The following DCDC2 variants were observed in gnomAD, a reference collection of about 807,000 sequenced individuals.
The protein encoded by DCDC2 is doublecortin domain containing 2, also known as doublecortin domain-containing protein 2.
DCDC2 carries 40 observed loss-of-function variants against 50.2 expected under a neutral mutation model. The ratio of observed to expected loss-of-function variants is 0.80; its 90% confidence interval spans 0.62 to 1.04. The LOEUF is 1.04. Ranked by LOEUF, DCDC2 falls within the 50% of genes least tolerant of loss-of-function variation. DCDC2 has a pLI of 0.00. For synonymous variants in DCDC2, 234 were observed against 210.6 expected (o/e 1.11, Z -0.96); for missense variants, 570 against 581.9 (o/e 0.98, Z 0.21).
intron 4 of DCDC2, among the ~76,000 whole-genome samples, chr6:24,297,823 T>C (rs1759285047): frequency 6.6e-6 from 1 of 152,244 alleles, no homozygotes; most frequent in African/African-American, 2.4e-5. Context: ...GAGAATATTC[T>C]TATAATCTTG....
intron 2 of DCDC2, among the ~76,000 whole-genome samples, chr6:24,334,517 A>G (rs920047898): frequency 6.6e-6 from 1 of 152,248 alleles, no homozygotes; most frequent in Non-Finnish European, 1.5e-5. Flanking sequence ...AGCTGCTTTC[A>G]TGCTACCACA....
intron 7 of DCDC2, among the ~76,000 whole-genome samples, chr6:24,209,854 ACG>A (rs1761817976): frequency 6.6e-6 from 1 of 152,144 alleles, no homozygotes; most frequent in South Asian, 2.1e-4. Context: ...GTCTAGAGTC[ACG>A]GTCTCATCCT....
At chr6:24,331,601 G>A (rs2185597) in intron 2 of DCDC2, among the ~76,000 whole-genome samples, 46,671 of 151,746 alleles carry the variant, frequency 0.31, 8,633 homozygotes, top group African/African-American at 0.52. Context: ...TTTGAATCTC[G>A]TCAGAAATAT....
At chr6:24,318,211 T>C (rs1190613250) in intron 2 of DCDC2, among the ~76,000 whole-genome samples, 2 of 152,094 alleles carry the variant, frequency 1.3e-5, no homozygotes, top group African/African-American at 2.4e-5. Context: ...TTTTATTCAT[T>C]GTAGTATTAT....
intron 9 of DCDC2, 89 bp downstream of exon 9, chr6:24,178,241 C>T (rs1760968947): frequency 2.2e-6 from 3 of 1,368,982 alleles, no homozygotes; most frequent in Non-Finnish European, 3.0e-6. Flanking sequence ...AATACAAGTC[C>T]TAAACACTTG....
chr6:24,293,429 T>C (rs1382757750), intron 4 of DCDC2, among the ~76,000 whole-genome samples: 1 of 152,146 alleles, frequency 6.6e-6, no homozygotes, highest in Non-Finnish European at 1.5e-5. Context: ...AAAACGGTCA[T>C]ATCCCAAGAG....
At chr6:24,278,635 C>G (rs1230115470) in intron 6 of DCDC2, among the ~76,000 whole-genome samples, 1 of 152,094 alleles carries the variant, frequency 6.6e-6, no homozygotes, top group East Asian at 1.9e-4. Context: ...CAGCTGCCTC[C>G]AAAACCACTG....
At chr6:24,252,517 C>T (rs1762814832) in intron 7 of DCDC2, among the ~76,000 whole-genome samples, 1 of 152,000 alleles carries the variant, frequency 6.6e-6, no homozygotes, top group Non-Finnish European at 1.5e-5. Flanking sequence ...GGAAGACAGC[C>T]AAATGAAATC....
At chr6:24,179,547 C>CAAAAAAAAAAA (rs56731018) in intron 8 of DCDC2, among the ~76,000 whole-genome samples, 1 of 49,574 alleles carries the variant, frequency 2.0e-5, no homozygotes, top group Non-Finnish European at 3.3e-5. Context: ...GACACCATCT[C>CAAAAAAAAAAA]AAAAAAAAAA....
intron 7 of DCDC2, among the ~76,000 whole-genome samples, chr6:24,259,975 GAGAGTAACCT>G: frequency 6.6e-6 from 1 of 152,320 alleles, no homozygotes; most frequent in South Asian, 2.1e-4. Flanking sequence ...TAGGAGTAAA[GAGAGTAACCT>G]AGAGGCTAAC....
chr6:24,339,638 A>G (rs1293499882), intron 2 of DCDC2, among the ~76,000 whole-genome samples: 1 of 152,138 alleles, frequency 6.6e-6, no homozygotes, highest in Non-Finnish European at 1.5e-5. Context: ...TGCCAACAAA[A>G]CCATCTTTGT....
intron 7 of DCDC2, among the ~76,000 whole-genome samples, chr6:24,233,495 C>T (rs1202441888): frequency 6.6e-6 from 1 of 152,120 alleles, no homozygotes; most frequent in Non-Finnish European, 1.5e-5. Flanking sequence ...TGCTTAGTGT[C>T]AGAAGCAATT....
At chr6:24,247,335 T>A (rs9467093) in intron 7 of DCDC2, among the ~76,000 whole-genome samples, 19,024 of 150,972 alleles carry the variant, frequency 0.13, 1,297 homozygotes, top group East Asian at 0.18. Context: ...TTAACTATTT[T>A]TATATATATA....
chr6:24,268,961 T>C (rs1318139493), intron 7 of DCDC2, among the ~76,000 whole-genome samples: 5 of 152,168 alleles, frequency 3.3e-5, no homozygotes, highest in Non-Finnish European at 1.5e-5. Context: ...AAAATAAGAA[T>C]AAATGGGTAG....
chr6:24,297,030 C>T (rs1759266375), intron 4 of DCDC2, among the ~76,000 whole-genome samples: 1 of 152,162 alleles, frequency 6.6e-6, no homozygotes, highest in African/African-American at 2.4e-5. Flanking sequence ...CATTGCAGCA[C>T]TATTCACAGT....
intron 7 of DCDC2, 45 bp downstream of exon 7, chr6:24,278,003 GA>G (rs1763395888): frequency 1.4e-6 from 2 of 1,460,626 alleles, no homozygotes. Context: ...ATCTATTTAA[GA>G]ATTAAAATTG....
At chr6:24,285,932 C>T (rs2113826110) in intron 6 of DCDC2, among the ~76,000 whole-genome samples, 1 of 152,180 alleles carries the variant, frequency 6.6e-6, no homozygotes, top group Admixed American at 6.5e-5. Flanking sequence ...AATTAATAAG[C>T]TAATATCTAT....
At chr6:24,199,573 C>G (rs567494251) in intron 8 of DCDC2, among the ~76,000 whole-genome samples, 1 of 152,250 alleles carries the variant, frequency 6.6e-6, no homozygotes, top group South Asian at 2.1e-4. Flanking sequence ...GTAAAAAAGG[C>G]TGAAAATTCC....
At chr6:24,219,792 A>T (rs960967660) in intron 7 of DCDC2, among the ~76,000 whole-genome samples, 3 of 152,178 alleles carry the variant, frequency 2.0e-5, no homozygotes, top group African/African-American at 7.2e-5. Context: ...GGCTCATGAG[A>T]AGACATGGGT....
Sources: gnomAD v4.1 joint callset for allele counts (sites outside exome capture counted in the v4.1 genomes callset) on GRCh38, gnomAD v4.1.1 for gene constraint, MANE v1.5 for transcripts, NCBI Gene and HGNC (gene_info 2026-07-23, HGNC 2026-07-21) for gene names.